ANXA6: variants seen among roughly 807,000 people sequenced by gnomAD.
The protein encoded by ANXA6 is annexin A6, also known as 67 kDa calelectrin.
A neutral mutation model predicts 95.4 loss-of-function variants in ANXA6; 71 were observed. That is an observed-to-expected ratio of 0.74 (90% CI 0.61 to 0.91). The LOEUF (loss-of-function observed/expected upper bound fraction) is 0.91, where lower values mean the gene tolerates loss of function less well. ANXA6 is among the 40% of genes least tolerant of loss of function. The pLI is 0.00. For missense variants in ANXA6, 830 were observed against 876.4 expected (o/e 0.95, Z 0.67); for synonymous variants, 289 against 315.9 (o/e 0.91, Z 0.90).
At position 151,134,442 on chromosome 5, in the gene ANXA6, T is replaced by C; in HGVS notation, c.531A>G (p.Val177=). The C allele has an allele frequency of 6.2e-7, 1 of 1,613,994 alleles. No individual in the cohort carries two copies. The highest frequency in any genetic ancestry group is 1.1e-5 in the South Asian group (1 of 91,082). The change falls in exon 8 of 26, where the codon GTA becomes GTG. Residue 177 remains valine (V), a synonymous_variant. Coordinates refer to ENST00000354546, the MANE Select transcript of ANXA6 (RefSeq NM_001155.5). ...GCTTGTTTACCTGGACATCCTGTTG[T>C]ACCAGGTCCTCGCTCACTACGTCAT... ...EEDDVVSEDL[V]QQDVQDLYEA...
chr5:151,136,110 C>T, intron 7 of ANXA6, 146 bp downstream of exon 7: 1 of 678,460 alleles, frequency 1.5e-6, no homozygotes, highest in Non-Finnish European at 2.5e-6. Flanking sequence ...GGACTGTGTG[C>T]CAAAGAGAAA....
intron 18 of ANXA6, among the ~76,000 whole-genome samples, chr5:151,118,740 A>G (rs570666372): frequency 6.6e-6 from 1 of 152,030 alleles, no homozygotes; most frequent in South Asian, 2.1e-4. Context: ...GCCAATTTTT[A>G]TATTTTTTGT....
intron 12 of ANXA6, among the ~76,000 whole-genome samples, 175 bp downstream of exon 12, chr5:151,129,232 C>T (rs1765420095): frequency 6.6e-6 from 1 of 152,234 alleles, no homozygotes; most frequent in Non-Finnish European, 1.5e-5. Flanking sequence ...CTAACACTTG[C>T]TTTTCTGTTG....
chr5:151,126,572 C>CACACA, intron 13 of ANXA6, 92 bp from the exon 14 acceptor site: 1 of 835,062 alleles, frequency 1.2e-6, no homozygotes, highest in South Asian at 1.6e-5. Context: ...ACACACACAC[C>CACACA]CCAACACATA....
chr5:151,117,214 A>G, intron 19 of ANXA6, 34 bp from the exon 20 acceptor site: 1 of 1,564,992 alleles, frequency 6.4e-7, no homozygotes, highest in Non-Finnish European at 8.7e-7. Flanking sequence ...TTCAGTCCCC[A>G]AACATCGACC....
chr5:151,107,316 T>C (rs1764720547), intron 23 of ANXA6, among the ~76,000 whole-genome samples: 1 of 152,244 alleles, frequency 6.6e-6, no homozygotes, highest in Non-Finnish European at 1.5e-5. Flanking sequence ...ACTGTTGTTA[T>C]CTCCACTTTA....
chr5:151,103,568 A>T lies in ANXA6; in HGVS notation c.1962+2T>A. 1 of 1,612,128 alleles carries T rather than the reference A, an allele frequency of 6.2e-7. No individual in the cohort carries two copies. Among genetic ancestry groups the T allele is most frequent in the Non-Finnish European group, 8.5e-7 (1 of 1,179,084 alleles). On this transcript the variant is annotated splice_donor_variant, in intron 25 of 25. Transcript: ENST00000354546. LOFTEE classifies it high-confidence loss of function. ...CTGCTAACCTCTAGCCCCTCCCCTT[A>T]CCTCAATGGCTTGGTGGAGAGACTT... is the stretch of plus-strand genomic sequence containing the variant.
At chr5:151,117,886 G>C in intron 18 of ANXA6, 49 bp from the exon 19 acceptor site, 1 of 1,525,262 alleles carries the variant, frequency 6.6e-7, no homozygotes, top group Admixed American at 1.7e-5. Context: ...AGAAGGATTT[G>C]GTTGCGGGGA....
At chr5:151,142,299 G>T (rs965856555) in intron 2 of ANXA6, among the ~76,000 whole-genome samples, 19 of 152,164 alleles carry the variant, frequency 1.2e-4, no homozygotes, top group African/African-American at 4.6e-4. Flanking sequence ...CCAATGTAAT[G>T]AAACCCTGTT....
chr5:151,141,589 G>T, intron 2 of ANXA6: 1 of 985,482 alleles, frequency 1.0e-6, no homozygotes. Flanking sequence ...CCCTCTCCCC[G>T]TCTCCGTGCC....
At chr5:151,120,503 G>C (rs977134653) in intron 17 of ANXA6, among the ~76,000 whole-genome samples, 4 of 151,666 alleles carry the variant, frequency 2.6e-5, no homozygotes, top group Non-Finnish European at 5.9e-5. Flanking sequence ...GATCACTTGA[G>C]GTCAGGAGTT....
chr5:151,145,564 T>G (rs1160276287), intron 2 of ANXA6, among the ~76,000 whole-genome samples: 2 of 152,018 alleles, frequency 1.3e-5, no homozygotes, highest in East Asian at 3.9e-4. Flanking sequence ...TGGAAGGAAC[T>G]GGGGGGTGTC....
At chr5:151,126,696 C>T (rs1039709017) in intron 13 of ANXA6, among the ~76,000 whole-genome samples, 19 of 151,136 alleles carry the variant, frequency 1.3e-4, no homozygotes, top group African/African-American at 4.4e-4. Context: ...TCTTGAGACC[C>T]CCTGCAATGC....
At chr5:151,151,589 C>T (rs1468501560) in intron 1 of ANXA6, 1 of 152,250 alleles carries the variant, frequency 6.6e-6, no homozygotes, top group East Asian at 1.9e-4. Context: ...CAAGCCAGAT[C>T]CCTCTCTCAG....
At chr5:151,142,779 C>T (rs1765871454) in intron 2 of ANXA6, among the ~76,000 whole-genome samples, 1 of 152,208 alleles carries the variant, frequency 6.6e-6, no homozygotes, top group African/African-American at 2.4e-5. Flanking sequence ...GAAGGGAGAC[C>T]TCCCTGGCAC....
At chr5:151,124,152 A>T (rs1483697794) in intron 15 of ANXA6, 134 bp downstream of exon 15, 4 of 763,754 alleles carry the variant, frequency 5.2e-6, no homozygotes, top group Non-Finnish European at 6.6e-6. Flanking sequence ...AGGAGGGTGG[A>T]AACTTGAGAT....
At position 151,117,833 on chromosome 5, in the gene ANXA6, A is replaced by G. The variant is rs771420596; in HGVS notation, c.1443T>C (p.Tyr481=). The part of the protein sequence containing the change: ...RAINEAYKED[Y]HKSLEDALSS... ...TCAGAGCATCCTCCAGGGACTTGTG[A>G]TAGTCTGAGGCAGAGAAAGGGGGTG... is the stretch of plus-strand genomic sequence containing the variant. The change falls in exon 19 of 26, where the codon TAT becomes TAC. Residue 481 remains tyrosine, a synonymous_variant. Transcript: ENST00000354546. 6.2e-7 allele frequency: 1 copy of G among 1,613,382 alleles called. No homozygotes were observed. The highest frequency in any genetic ancestry group is 1.1e-5 in the South Asian group (1 of 91,044).
At chr5:151,156,762 T>A (rs1766247654) in intron 1 of ANXA6, among the ~76,000 whole-genome samples, 1 of 152,098 alleles carries the variant, frequency 6.6e-6, no homozygotes, top group Admixed American at 6.5e-5. Flanking sequence ...GTGCCAGGCT[T>A]CCCAAATCTA....
chr5:151,153,263 C>G (rs1766151713), intron 1 of ANXA6, among the ~76,000 whole-genome samples: 1 of 152,240 alleles, frequency 6.6e-6, no homozygotes, highest in Non-Finnish European at 1.5e-5. Flanking sequence ...TCTAGCTTCA[C>G]TAACAGAACC....
Sources: allele counts gnomAD v4.1 joint callset (sites outside exome capture counted in the v4.1 genomes callset), GRCh38; gene constraint gnomAD v4.1.1; transcripts MANE v1.5; gene names NCBI Gene and HGNC (gene_info 2026-07-23, HGNC 2026-07-21).